The following CHSY1 variants were observed in gnomAD, a reference collection of about 807,000 sequenced individuals.
The protein encoded by CHSY1 is N-acetylgalactosaminyl-proteoglycan 3-beta-glucuronosyltransferase 1.
Under a neutral mutation model 59.8 loss-of-function variants are expected in CHSY1, and 13 were observed. That is an observed-to-expected ratio of 0.22 (90% confidence interval 0.14 to 0.35). The LOEUF (loss-of-function observed/expected upper bound fraction) is 0.35. CHSY1 is among the 10% of genes least tolerant of loss of function. The pLI is 1.00. For synonymous variants in CHSY1, 459 were observed against 401.2 expected (o/e 1.14, Z -1.72); for missense variants, 947 against 1,030.6 (o/e 0.92, Z 1.11).
intron 1 of CHSY1, among the ~76,000 whole-genome samples, chr15:101,240,430 C>T (rs1016705260): frequency 6.6e-6 from 1 of 152,172 alleles, no homozygotes; most frequent in Non-Finnish European, 1.5e-5. Flanking sequence ...CATTTGTTAC[C>T]GGGAGCAAAG....
intron 2 of CHSY1, among the ~76,000 whole-genome samples, chr15:101,217,552 A>G (rs1396927030): frequency 2.0e-5 from 3 of 152,156 alleles, no homozygotes; most frequent in Non-Finnish European, 4.4e-5. Flanking sequence ...AATACACGAG[A>G]TGAGCCTGGA....
intron 2 of CHSY1, chr15:101,187,707 A>T (rs1450791685): frequency 6.6e-6 from 1 of 152,252 alleles, no homozygotes; most frequent in East Asian, 1.9e-4. Context: ...TTGCTTAAAA[A>T]AAACTCAGCA....
At chr15:101,224,854 A>T (rs1448519618) in intron 2 of CHSY1, among the ~76,000 whole-genome samples, 2 of 152,296 alleles carry the variant, frequency 1.3e-5, no homozygotes, top group East Asian at 3.9e-4. Flanking sequence ...CAAACACCAG[A>T]CTCTTATTAG....
rs200942066 is a variant in CHSY1 at position 101,178,361 on chromosome 15, T to G, written c.1436A>C (p.Lys479Thr). Residue 479 changes from lysine (K) to threonine (T), a missense_variant, in exon 3 of 3, where the codon AAA (lysine) becomes ACA (threonine). Lys to Thr is a moderately conservative substitution (Grantham distance 78). Around this residue, in one of 4 missense-constraint regions of CHSY1, gnomAD observed 602 missense variants for 676.9 expected, o/e 0.89. Transcript: ENST00000254190. ...RHAYLQQTFS[K>T]IQFVEHEELD... ...CTCCTCATGCTCCACAAACTGGATTTTGCTGAAAGTCTGCTGTAAATACGC... is the reference window on the plus strand; with the variant it reads ...CTCCTCATGCTCCACAAACTGGATTGTGCTGAAAGTCTGCTGTAAATACGC... The G allele has an allele frequency of 8.1e-6, 13 of 1,607,970 alleles. No homozygotes were observed. The highest frequency in any genetic ancestry group is 3.3e-4 in the Middle Eastern group (2 of 6,070).
chr15:101,233,006 C>CGG (rs142867287), intron 2 of CHSY1, among the ~76,000 whole-genome samples: 1,990 of 152,262 alleles, frequency 0.013, 40 homozygotes, highest in African/African-American at 0.043. Flanking sequence ...GGCAGGGAGA[C>CGG]GGGACCACAC....
chr15:101,180,695 T>A (rs2038265011), intron 2 of CHSY1, among the ~76,000 whole-genome samples: 2 of 152,308 alleles, frequency 1.3e-5, no homozygotes, highest in East Asian at 3.9e-4. Flanking sequence ...GAGAAGGCAG[T>A]AGGCGACTGG....
intron 1 of CHSY1, among the ~76,000 whole-genome samples, chr15:101,236,170 C>G (rs2038939591): frequency 6.6e-6 from 1 of 152,192 alleles, no homozygotes; most frequent in Non-Finnish European, 1.5e-5. Context: ...GAGCCTTCCC[C>G]TGAAACAGGG....
At position 101,233,006 on chromosome 15, in the gene CHSY1, C is replaced by T. The variant is rs944163407; in HGVS notation, c.816+2076G>A. Among the ~76,000 whole-genome samples, 7 of 152,270 alleles carry T rather than the reference C, an allele frequency of 4.6e-5. No homozygotes were observed. The East Asian group carries it at 7.7e-4, about 17-fold the overall frequency. On this transcript the variant is annotated intron_variant, in intron 2 of 2. Coordinates refer to ENST00000254190, the MANE Select transcript of CHSY1 (RefSeq NM_014918.5). Reference sequence around the variant, plus strand: ...TGACCCACCTCCCAAGGCAGGGAGACGGGACCACACGGGGAGGAGGCCTCC... The same window carrying T: ...TGACCCACCTCCCAAGGCAGGGAGATGGGACCACACGGGGAGGAGGCCTCC...
intron 2 of CHSY1, among the ~76,000 whole-genome samples, chr15:101,184,411 CCTT>C (rs1242520333): frequency 1.3e-5 from 2 of 150,094 alleles, no homozygotes. Context: ...GACAGGGTCT[CCTT>C]CTGTCATCCA....
chr15:101,249,573 G>A (rs1177035157), intron 1 of CHSY1, among the ~76,000 whole-genome samples: 1 of 146,524 alleles, frequency 6.8e-6, no homozygotes, highest in African/African-American at 2.6e-5. Flanking sequence ...GAGTGCAGTG[G>A]CATGATCTTG....
rs2039111878 is a variant in CHSY1 at position 101,251,477 on chromosome 15, C to T, written c.-21G>A. On this transcript the variant is annotated 5_prime_UTR_variant, in exon 1 of 3. Coordinates refer to ENST00000254190, the MANE Select transcript of CHSY1 (RefSeq NM_014918.5). ...GCCATGCCCGCGCCGCTCCGCCCGCCGGGCCGCCGCCGCAGGCTCCGCGCG... is the reference window on the plus strand; with the variant it reads ...GCCATGCCCGCGCCGCTCCGCCCGCTGGGCCGCCGCCGCAGGCTCCGCGCG... 8 of 279,474 alleles carry T rather than the reference C, an allele frequency of 2.9e-5. No individual in the cohort carries two copies. The highest frequency in any genetic ancestry group is 2.8e-5 in the Non-Finnish European group (7 of 249,828). 17.3% of individuals were successfully genotyped at this position (279,474 alleles called of 1,614,324 possible). A position where few individuals can be genotyped will look rare whatever the true frequency, so the allele number is the denominator to read the frequency against.
intron 2 of CHSY1, among the ~76,000 whole-genome samples, chr15:101,213,119 C>T (rs936887446): frequency 6.6e-6 from 1 of 151,838 alleles, no homozygotes; most frequent in Non-Finnish European, 1.5e-5. Context: ...GATGGAAGAA[C>T]GGAGGTGTAG....
intron 2 of CHSY1, among the ~76,000 whole-genome samples, chr15:101,188,853 T>C (rs148761570): frequency 4.5e-4 from 68 of 152,312 alleles, no homozygotes; most frequent in African/African-American, 1.6e-3. Flanking sequence ...GAGACCCTTA[T>C]CTGCAGTCCG....
intron 2 of CHSY1, among the ~76,000 whole-genome samples, chr15:101,203,260 G>T (rs1243096291): frequency 6.6e-6 from 1 of 152,160 alleles, no homozygotes; most frequent in Non-Finnish European, 1.5e-5. Flanking sequence ...GTCCTGACAG[G>T]CATGGACCTT....
chr15:101,234,135 GA>G (rs1342958227), intron 2 of CHSY1, among the ~76,000 whole-genome samples: 1 of 152,154 alleles, frequency 6.6e-6, no homozygotes, highest in Admixed American at 6.5e-5. Context: ...CTGCTACAGA[GA>G]AAACATCTAC....
chr15:101,251,449 G>A lies in CHSY1; in HGVS notation c.8C>T (p.Ala3Val), dbSNP rs2039111381. The A allele has an allele frequency of 1.4e-5, 14 of 979,752 alleles. No homozygotes were observed. The highest frequency in any genetic ancestry group is 2.2e-5 in the African/African-American group (1 of 45,012). The allele number at this position is 979,752 out of a possible 1,614,324, so 60.7% of individuals were successfully genotyped here. Residue 3 changes from alanine to valine, a missense_variant, in exon 1 of 3, where the codon GCG becomes GTG. Physicochemically the swap from Ala to Val is moderately conservative, Grantham distance 64. Transcript: ENST00000254190. The part of the protein sequence containing the change: MA[A>V]RGRRAWLSVL... The stretch of plus-strand genomic sequence containing the variant: ...GCTGAGCCAGGCGCGCCGGCCGCGC[G>A]CGGCCATGCCCGCGCCGCTCCGCCC...
intron 2 of CHSY1, among the ~76,000 whole-genome samples, chr15:101,215,051 C>T (rs1377346491): frequency 2.0e-5 from 3 of 152,216 alleles, no homozygotes; most frequent in African/African-American, 7.2e-5. Context: ...ACACCTCGCC[C>T]CCACTTTGCC....
intron 2 of CHSY1, among the ~76,000 whole-genome samples, chr15:101,204,035 T>C (rs1567094804): frequency 6.6e-6 from 1 of 152,238 alleles, no homozygotes; most frequent in Non-Finnish European, 1.5e-5. Flanking sequence ...TGATTTTGAT[T>C]ACTGCGTTGT....
chr15:101,250,318 C>T (rs2039093964), intron 1 of CHSY1, among the ~76,000 whole-genome samples: 1 of 152,202 alleles, frequency 6.6e-6, no homozygotes, highest in South Asian at 2.1e-4. Context: ...CAACCCTCTC[C>T]AACTTCAAAT....
Sources: allele counts gnomAD v4.1 joint callset (sites outside exome capture counted in the v4.1 genomes callset), GRCh38; gene constraint gnomAD v4.1.1; regional missense constraint gnomAD v4.1.1; transcripts MANE v1.5; gene names NCBI Gene and HGNC (gene_info 2026-07-23, HGNC 2026-07-21).